Variants in KIAA1549L observed in about 807,000 individuals in gnomAD.
KIAA1549L encodes KIAA1549 like.
In KIAA1549L, 88 loss-of-function variants were observed where a neutral mutation model predicts 160.7. The ratio of observed to expected loss-of-function variants is 0.55; its 90% CI spans 0.46 to 0.65. KIAA1549L has a LOEUF of 0.65. Ranked by LOEUF, KIAA1549L falls within the 30% of genes least tolerant of loss-of-function variation. The pLI, the probability that KIAA1549L is intolerant of heterozygous loss-of-function variation, is 0.00. For synonymous variants in KIAA1549L, 950 were observed against 976.7 expected (o/e 0.97, Z 0.51); for missense variants, 2,258 against 2,437.5 (o/e 0.93, Z 1.55).
At chr11:33,609,198 G>A (rs1327504509) in intron 14 of KIAA1549L, among the ~76,000 whole-genome samples, 19 of 152,260 alleles carry the variant, frequency 1.2e-4, no homozygotes, top group Admixed American at 1.2e-3. Context: ...GAAAGGCATG[G>A]ATTTACAAAA....
At chr11:33,498,917 G>C (rs573972301) in intron 1 of KIAA1549L, among the ~76,000 whole-genome samples, 3 of 152,340 alleles carry the variant, frequency 2.0e-5, no homozygotes, top group Non-Finnish European at 2.9e-5. Flanking sequence ...CAGTGATGGT[G>C]ATGGGGTGGG....
intron 16 of KIAA1549L, among the ~76,000 whole-genome samples, chr11:33,637,302 T>C (rs1269431488): frequency 1.3e-5 from 2 of 152,258 alleles, no homozygotes; most frequent in African/African-American, 4.8e-5. Context: ...CTGTCATCTC[T>C]TCTGGCCTAG....
chr11:33,383,838 A>AAAAGGC lies in KIAA1549L; in HGVS notation c.238+6951_238+6956dup, dbSNP rs138701525. On this transcript the variant is annotated intron_variant, in intron 1 of 20. Coordinates refer to ENST00000658780, the MANE Select transcript of KIAA1549L (RefSeq NM_012194.3). ...GGTGCCATAGTTCTGACTTCTCAAGAAAAGGCAGATCTTTATTTAGAATCT... is the reference window on the plus strand; with the variant it reads ...GGTGCCATAGTTCTGACTTCTCAAGAAAAGGCAAAGGCAGATCTTTATTTAGAATCT... Among the ~76,000 whole-genome samples, 199 of 152,354 alleles carry AAAAGGC rather than the reference A, an allele frequency of 1.3e-3. No individual in the cohort carries two copies. In the East Asian group the frequency reaches 0.033, roughly 25 times the overall value.
At chr11:33,407,146 G>A (rs936515814) in intron 1 of KIAA1549L, among the ~76,000 whole-genome samples, 2 of 144,544 alleles carry the variant, frequency 1.4e-5, no homozygotes, top group African/African-American at 5.1e-5. Context: ...GTGCAGTGGC[G>A]TGATCTCGGC....
chr11:33,390,063 G>A (rs1335896407), intron 1 of KIAA1549L, among the ~76,000 whole-genome samples: 1 of 152,234 alleles, frequency 6.6e-6, no homozygotes, highest in African/African-American at 2.4e-5. Context: ...TTTACTGTTT[G>A]TATCAGTTCA....
intron 12 of KIAA1549L, among the ~76,000 whole-genome samples, chr11:33,595,383 T>C (rs905483350): frequency 6.6e-6 from 1 of 152,104 alleles, no homozygotes; most frequent in Non-Finnish European, 1.5e-5. Context: ...TGTGCCACCA[T>C]GCCTGGCTAA....
chr11:33,543,237 C>T lies in KIAA1549L; in HGVS notation c.1674C>T (p.Pro558=). ...PNLLSTSWTF[P]RWKKDSVTAI... is the part of the protein sequence containing the mutation. ...TTCTTTCCACATCTTGGACATTTCC[C>T]CGGTGGAAAAAGGACAGTGTGACAG... The change falls in exon 2 of 21, where the codon CCC becomes CCT. Residue 558 remains proline, a synonymous_variant. Coordinates refer to ENST00000658780, the MANE Select transcript of KIAA1549L (RefSeq NM_012194.3). The T allele has an allele frequency of 6.2e-7, 1 of 1,613,994 alleles. No individual in the cohort carries two copies. Among genetic ancestry groups the T allele is most frequent in the Non-Finnish European group, 8.5e-7 (1 of 1,179,894 alleles).
chr11:33,393,513 G>T (rs1430444799), intron 1 of KIAA1549L, among the ~76,000 whole-genome samples: 3 of 152,162 alleles, frequency 2.0e-5, no homozygotes, highest in Admixed American at 2.0e-4. Flanking sequence ...AACTATTTTG[G>T]TTATAAGTGA....
intron 1 of KIAA1549L, among the ~76,000 whole-genome samples, chr11:33,397,917 CTTTTTTT>C (rs67993981): frequency 8.7e-6 from 1 of 115,468 alleles, no homozygotes; most frequent in Non-Finnish European, 1.8e-5. Flanking sequence ...GGTGGTTGGC[CTTTTTTT>C]TTTTTTTTTT....
intron 18 of KIAA1549L, among the ~76,000 whole-genome samples, chr11:33,656,343 C>A (rs1260540918): frequency 6.6e-6 from 1 of 152,036 alleles, no homozygotes; most frequent in African/African-American, 2.4e-5. Flanking sequence ...TTGAAGAAGC[C>A]CAAGGTCAAC....
At chr11:33,428,711 T>C (rs1298374111) in intron 1 of KIAA1549L, among the ~76,000 whole-genome samples, 2 of 152,270 alleles carry the variant, frequency 1.3e-5, no homozygotes, top group African/African-American at 2.4e-5. Context: ...TTATGGACGT[T>C]TGAGTTGGTT....
At chr11:33,444,966 C>T (rs545367541) in intron 1 of KIAA1549L, among the ~76,000 whole-genome samples, 2 of 152,326 alleles carry the variant, frequency 1.3e-5, no homozygotes, top group Non-Finnish European at 2.9e-5. Flanking sequence ...CACACACTAC[C>T]TGGCACAGAG....
At chr11:33,518,413 C>T (rs1853405531) in intron 1 of KIAA1549L, among the ~76,000 whole-genome samples, 1 of 152,018 alleles carries the variant, frequency 6.6e-6, no homozygotes, top group Non-Finnish European at 1.5e-5. Flanking sequence ...TGATGTTTTC[C>T]CTCTTTCCCT....
At chr11:33,450,658 G>A (rs1017365261) in intron 1 of KIAA1549L, 14 of 152,138 alleles carry the variant, frequency 9.2e-5, no homozygotes, top group African/African-American at 3.4e-4. Flanking sequence ...AAAAATCTCC[G>A]GCTGCACAGA....
intron 1 of KIAA1549L, among the ~76,000 whole-genome samples, chr11:33,524,924 C>A (rs182521376): frequency 6.6e-5 from 10 of 152,116 alleles, no homozygotes; most frequent in Admixed American, 1.3e-4. Flanking sequence ...CCACTAAAGC[C>A]AGATGGATTG....
intron 18 of KIAA1549L, among the ~76,000 whole-genome samples, chr11:33,656,839 C>T (rs1174203497): frequency 6.6e-6 from 1 of 152,026 alleles, no homozygotes; most frequent in African/African-American, 2.4e-5. Flanking sequence ...GCTCTCATTG[C>T]CAGTGGTTTA....
intron 1 of KIAA1549L, among the ~76,000 whole-genome samples, chr11:33,458,882 A>G (rs1851883459): frequency 6.6e-6 from 1 of 152,162 alleles, no homozygotes; most frequent in African/African-American, 2.4e-5. Context: ...TAGGGAAAGC[A>G]TAGAATGAAC....
At chr11:33,528,569 C>T (rs192368368) in intron 1 of KIAA1549L, among the ~76,000 whole-genome samples, 7 of 152,248 alleles carry the variant, frequency 4.6e-5, no homozygotes, top group South Asian at 4.2e-4. Context: ...AAGTATGGAA[C>T]CAGCCTAAAT....
chr11:33,516,038 A>G (rs1160328620), intron 1 of KIAA1549L, among the ~76,000 whole-genome samples: 1 of 151,950 alleles, frequency 6.6e-6, no homozygotes, highest in African/African-American at 2.4e-5. Flanking sequence ...CAAGGCAGAC[A>G]TTGCTAATTG....
Sources: allele counts gnomAD v4.1 joint callset (sites outside exome capture counted in the v4.1 genomes callset), GRCh38; gene constraint gnomAD v4.1.1; transcripts MANE v1.5; gene names NCBI Gene and HGNC (gene_info 2026-07-23, HGNC 2026-07-21).